Variants in HAPLN1 observed in about 807,000 individuals in gnomAD.
HAPLN1 encodes Cartilage link protein.
Under a neutral mutation model 36.5 loss-of-function variants are expected in HAPLN1, and 13 were observed. The ratio of observed to expected loss-of-function variants is 0.36; its 90% CI spans 0.23 to 0.57. The LOEUF (loss-of-function observed/expected upper bound fraction) is 0.57, where lower values mean the gene tolerates loss of function less well. Among genes scored for constraint, HAPLN1 ranks in the 20% least tolerant of loss-of-function variants. The probability of loss-of-function intolerance (pLI) is 0.83; values close to 1 mark genes in which losing one functional copy is unlikely to be tolerated. For synonymous variants in HAPLN1, 202 were observed against 169.8 expected, an observed-to-expected ratio of 1.19 and a Z score of -1.48; for missense variants, 407 against 439.7, an observed-to-expected ratio of 0.93 and a Z score of 0.66.
At chr5:83,680,428 A>G (rs2112608015) in intron 1 of HAPLN1, among the ~76,000 whole-genome samples, 1 of 152,308 alleles carries the variant, frequency 6.6e-6, no homozygotes, top group Middle Eastern at 3.4e-3. Flanking sequence ...CCTCTGAGTA[A>G]CTAAAAGTCT....
chr5:83,673,503 CAGA>C lies in HAPLN1; in HGVS notation c.18_20del (p.Leu7del), dbSNP rs761532834. 275 of 1,613,298 alleles carry C rather than the reference CAGA, an allele frequency of 1.7e-4. 1 individual carries two copies. The African/African-American group carries it at 2.9e-3, about 17-fold the overall frequency. ...CAGCCCAGCAGATTGAAATCAGCAC[CAGA>C]AGAAGTAGACTCTTCATCTTTATAG... On this transcript the variant is annotated inframe_deletion, in exon 2 of 5. Coordinates refer to ENST00000274341, the MANE Select transcript of HAPLN1 (RefSeq NM_001884.4).
At chr5:83,704,168 G>A (rs1249303707) in intron 1 of HAPLN1, among the ~76,000 whole-genome samples, 2 of 151,612 alleles carry the variant, frequency 1.3e-5, no homozygotes, top group Non-Finnish European at 2.9e-5. Flanking sequence ...AGCTTCCTAA[G>A]TGAAGAAGAA....
intron 2 of HAPLN1, among the ~76,000 whole-genome samples, chr5:83,657,808 A>G (rs1750263805): frequency 2.0e-5 from 3 of 151,890 alleles, no homozygotes; most frequent in African/African-American, 7.3e-5. Context: ...TAATAATTAA[A>G]AAAAAAAAAA....
intron 1 of HAPLN1, among the ~76,000 whole-genome samples, chr5:83,687,123 T>C (rs1262580369): frequency 6.6e-6 from 1 of 152,118 alleles, no homozygotes; most frequent in East Asian, 1.9e-4. Context: ...AGCAAACCTC[T>C]CCTCAAAATC....
intron 1 of HAPLN1, among the ~76,000 whole-genome samples, chr5:83,684,668 G>T (rs1226377647): frequency 6.6e-6 from 1 of 152,176 alleles, no homozygotes; most frequent in African/African-American, 2.4e-5. Flanking sequence ...TGTAGTTGGA[G>T]AGTGGGGTGA....
In HAPLN1 at chr5:83,639,143, T is replaced by C. The variant is rs1024212004; in HGVS notation, c.*2353A>G. 6.6e-6 allele frequency: 1 copy of C among 152,016 alleles called. No homozygotes were observed. The highest frequency in any genetic ancestry group is 2.4e-5 in the African/African-American group (1 of 41,436). 9.4% of individuals were successfully genotyped at this position (152,016 alleles called of 1,614,324 possible). Reference sequence around the variant, plus strand: ...GGGAATGAAGTAGGAAAATAGACATTTGGTGGAAAAACAGCAAAATGAGAA... The same window carrying C: ...GGGAATGAAGTAGGAAAATAGACATCTGGTGGAAAAACAGCAAAATGAGAA... On this transcript the variant is annotated 3_prime_UTR_variant, in exon 5 of 5. Transcript: ENST00000274341.
chr5:83,646,769 C>G (rs1349178217), intron 3 of HAPLN1, among the ~76,000 whole-genome samples: 1 of 152,214 alleles, frequency 6.6e-6, no homozygotes, highest in African/African-American at 2.4e-5. Context: ...AGCTGGGAAC[C>G]CAGTGAGTGC....
At chr5:83,661,016 T>C (rs1296937753) in intron 2 of HAPLN1, among the ~76,000 whole-genome samples, 2 of 152,124 alleles carry the variant, frequency 1.3e-5, no homozygotes, top group African/African-American at 4.8e-5. Flanking sequence ...TTCTTTACCG[T>C]GCTCTTCCAG....
intron 1 of HAPLN1, among the ~76,000 whole-genome samples, chr5:83,706,220 A>T (rs942588775): frequency 6.6e-6 from 1 of 152,144 alleles, no homozygotes; most frequent in African/African-American, 2.4e-5. Flanking sequence ...CTCCTCCCCA[A>T]CTCATTCTAT....
intron 1 of HAPLN1, among the ~76,000 whole-genome samples, chr5:83,677,746 A>G (rs953539580): frequency 6.6e-6 from 1 of 152,238 alleles, no homozygotes; most frequent in African/African-American, 2.4e-5. Context: ...GAACAAGTAT[A>G]CAAATCACAA....
chr5:83,670,853 C>G (rs111748830), intron 2 of HAPLN1, among the ~76,000 whole-genome samples: 15 of 152,040 alleles, frequency 9.9e-5, no homozygotes, highest in African/African-American at 3.6e-4. Context: ...TGCCACCACG[C>G]CCGGCTAATT....
chr5:83,641,819 G>C (rs758158222), intron 4 of HAPLN1, 34 bp from the exon 5 acceptor site: 1 of 1,594,074 alleles, frequency 6.3e-7, no homozygotes, highest in Non-Finnish European at 8.6e-7. Context: ...CAATGGGCTG[G>C]TCTTCAATTG....
intron 1 of HAPLN1, among the ~76,000 whole-genome samples, chr5:83,709,690 A>C (rs1751732372): frequency 6.6e-6 from 1 of 152,216 alleles, no homozygotes; most frequent in Non-Finnish European, 1.5e-5. Context: ...CTTGCAAATC[A>C]CTTAAAATAA....
rs1266137403 is a variant in HAPLN1, at chr5:83,644,658, T to C, written c.480A>G (p.Val160=). ...GCCCCAGTCGTGGAAAGTAAGGGAA[T>C]ACCACACCTGTCCAAAGGAGAAAGC... is the stretch of plus-strand genomic sequence containing the variant. ...VVVALDLQGV[V]FPYFPRLGRY... Residue 160 remains valine (V), a synonymous_variant, in exon 4 of 5, where the codon GTA becomes GTG. Transcript: ENST00000274341. 6.9e-7 allele frequency: 1 copy of C among 1,456,604 alleles called. No individual in the cohort carries two copies. Among genetic ancestry groups the C allele is most frequent in the East Asian group, 2.5e-5 (1 of 39,478 alleles). 90.2% of individuals were successfully genotyped at this position (1,456,604 alleles called of 1,614,324 possible).
At chr5:83,642,538 A>G (rs1195541238) in intron 4 of HAPLN1, among the ~76,000 whole-genome samples, 1 of 152,204 alleles carries the variant, frequency 6.6e-6, no homozygotes, top group Non-Finnish European at 1.5e-5. Context: ...AATATGTATT[A>G]AGTATGTGTA....
At chr5:83,642,700 A>G (rs1254378204) in intron 4 of HAPLN1, among the ~76,000 whole-genome samples, 3 of 152,170 alleles carry the variant, frequency 2.0e-5, no homozygotes, top group Admixed American at 2.0e-4. Context: ...CTCATTAGAT[A>G]TAGGTTACTG....
chr5:83,713,254 T>C (rs373942186), intron 1 of HAPLN1, among the ~76,000 whole-genome samples: 87 of 152,270 alleles, frequency 5.7e-4, no homozygotes, highest in Non-Finnish European at 1.2e-3. Flanking sequence ...TCATTAGAGC[T>C]TCAAGGCACG....
Position 83,638,238 on chromosome 5 carries a change from G to T in HAPLN1, c.*3258C>A, listed in dbSNP as rs1217595275. 1 of 151,530 alleles carries T rather than the reference G, an allele frequency of 6.6e-6. No individual in the cohort carries two copies. The highest frequency in any genetic ancestry group is 2.4e-5 in the African/African-American group (1 of 41,034). 9.4% of individuals were successfully genotyped at this position (151,530 alleles called of 1,614,324 possible). ...TTGACTTTTAATGTACCAGTTCATT[G>T]TATCTTACAGAAAATCAAAACATTT... On this transcript the variant is annotated 3_prime_UTR_variant, in exon 5 of 5. Transcript: ENST00000274341.
Position 83,640,909 on chromosome 5 carries a change from A to T in HAPLN1, c.*587T>A, listed in dbSNP as rs1397034644. 6 of 139,956 alleles carry T rather than the reference A, an allele frequency of 4.3e-5. No individual in the cohort carries two copies. The highest frequency in any genetic ancestry group is 2.3e-4 in the South Asian group (1 of 4,374). 8.7% of individuals were successfully genotyped at this position (139,956 alleles called of 1,614,324 possible). On this transcript the variant is annotated 3_prime_UTR_variant, in exon 5 of 5. Transcript: ENST00000274341. Reference sequence around the variant, plus strand: ...TTACTATGGATTGGAATCCATATGAATTTTTTTTTTTTTTTTTGGTCAGAA... The same window carrying T: ...TTACTATGGATTGGAATCCATATGATTTTTTTTTTTTTTTTTTGGTCAGAA...
Sources: gnomAD v4.1 joint callset for allele counts (sites outside exome capture counted in the v4.1 genomes callset) on GRCh38, gnomAD v4.1.1 for gene constraint, MANE v1.5 for transcripts, NCBI Gene and HGNC (gene_info 2026-07-23, HGNC 2026-07-21) for gene names.